TBC1D22A: variants seen among roughly 807,000 people sequenced by gnomAD.
TBC1D22A encodes the protein TBC1 domain family member 22A, also known as putative GTPase activator.
TBC1D22A carries 38 observed loss-of-function variants against 60.2 expected under a neutral mutation model. The ratio of observed to expected loss-of-function variants is 0.63; its 90% CI spans 0.49 to 0.83. The LOEUF (loss-of-function observed/expected upper bound fraction) is 0.83, where lower values mean the gene tolerates loss of function less well. TBC1D22A is among the 40% of genes least tolerant of loss of function. TBC1D22A has a pLI of 0.00. For synonymous variants in TBC1D22A, 302 were observed against 281.7 expected (o/e 1.07, Z -0.72); for missense variants, 628 against 701.0 (o/e 0.90, Z 1.18).
intron 7 of TBC1D22A, among the ~76,000 whole-genome samples, chr22:46,897,652 G>GTTTTTTTTTTTTTTTTTTTTTTTTTT (rs34529641): frequency 1.8e-5 from 2 of 111,512 alleles, no homozygotes; most frequent in African/African-American, 7.9e-5. Context: ...TTTTTTTTGT[G>GTTTTTTTTTTTTTTTTTTTTTTTTTT]TTTTTTTTTT....
chr22:47,087,199 A>C (rs1262066996), intron 11 of TBC1D22A, among the ~76,000 whole-genome samples: 1 of 152,254 alleles, frequency 6.6e-6, no homozygotes, highest in Non-Finnish European at 1.5e-5. Context: ...TTATATTACA[A>C]ACCAAACAAA....
chr22:46,909,956 C>T (rs889829701), intron 7 of TBC1D22A, among the ~76,000 whole-genome samples: 6 of 152,224 alleles, frequency 3.9e-5, no homozygotes, highest in Admixed American at 6.5e-5. Flanking sequence ...TGGCCCCACA[C>T]GGCTCCTCTG....
At chr22:46,783,138 A>T (rs1475598065) in intron 1 of TBC1D22A, among the ~76,000 whole-genome samples, 2 of 152,148 alleles carry the variant, frequency 1.3e-5, no homozygotes, top group African/African-American at 2.4e-5. Context: ...CATTTCTGCC[A>T]TTCTGCTGGG....
chr22:47,120,147 C>T (rs915913072), intron 12 of TBC1D22A, among the ~76,000 whole-genome samples: 1 of 152,208 alleles, frequency 6.6e-6, no homozygotes, highest in Non-Finnish European at 1.5e-5. Context: ...AATATCCTAT[C>T]AATAAACCAG....
At chr22:47,069,325 T>G (rs1206872299) in intron 11 of TBC1D22A, among the ~76,000 whole-genome samples, 4 of 152,196 alleles carry the variant, frequency 2.6e-5, no homozygotes, top group Non-Finnish European at 5.9e-5. Flanking sequence ...CCCAACTTCG[T>G]TTTAGTGTGA....
chr22:46,813,016 C>G (rs917058363), intron 4 of TBC1D22A, among the ~76,000 whole-genome samples: 1 of 152,232 alleles, frequency 6.6e-6, no homozygotes, highest in African/African-American at 2.4e-5. Context: ...GCTGCTGCCC[C>G]TTGGTCCGCT....
intron 11 of TBC1D22A, among the ~76,000 whole-genome samples, chr22:47,096,821 C>CA (rs996063908): frequency 3.1e-4 from 47 of 151,674 alleles, no homozygotes; most frequent in Middle Eastern, 3.4e-3. Flanking sequence ...GACTCTGTCT[C>CA]AAAAAAAATA....
rs569645099 is a variant in TBC1D22A, at chr22:46,992,827, A to G, written c.1126-4807A>G. 6.0e-5 allele frequency among the ~76,000 whole-genome samples: 9 copies of G among 149,938 alleles called. No homozygotes were observed. In the South Asian group the frequency reaches 8.4e-4, roughly 14 times the overall value. The stretch of plus-strand genomic sequence containing the variant: ...GCTTCTGTGTTCAGGGCTGGTGGCC[A>G]GGGGCCCCCGAGAGGATGTGGAAGG... On this transcript the variant is annotated intron_variant, in intron 9 of 12. Transcript: ENST00000337137.
At position 47,144,729 on chromosome 22, in the gene TBC1D22A, G is replaced by A. The variant is rs1239625774; in HGVS notation, c.1426-28769G>A. On this transcript the variant is annotated intron_variant, in intron 12 of 12. Coordinates refer to ENST00000337137, the MANE Select transcript of TBC1D22A (RefSeq NM_014346.5). ...GATCCTGGGACTGGGTGCAGCCCGT[G>A]AAGGTGCCTGCTGGCTGAGATCCTG... 2.1e-5 allele frequency among the ~76,000 whole-genome samples: 3 copies of A among 144,604 alleles called. No homozygotes were observed. In the East Asian group the frequency reaches 6.4e-4, roughly 31 times the overall value. 94.9% of individuals were successfully genotyped at this position (144,604 alleles called of 152,430 possible). A position where few individuals can be genotyped will look rare whatever the true frequency, so the allele number is the denominator to read the frequency against.
chr22:47,129,883 C>G (rs1179168675), intron 12 of TBC1D22A, among the ~76,000 whole-genome samples: 4 of 152,248 alleles, frequency 2.6e-5, no homozygotes, highest in Non-Finnish European at 5.9e-5. Context: ...TTTTTCCTCT[C>G]TCTCTGTCTC....
intron 8 of TBC1D22A, among the ~76,000 whole-genome samples, chr22:46,948,745 T>A (rs556948282): frequency 6.6e-6 from 1 of 152,338 alleles, no homozygotes; most frequent in Admixed American, 6.5e-5. Flanking sequence ...CCTGCTCCTA[T>A]TGTTAAGAGG....
Position 47,039,879 on chromosome 22 carries a change from G to A in TBC1D22A, c.1329+2681G>A, listed in dbSNP as rs192770654. Reference sequence around the variant, plus strand: ...AATCATGGCAGAAGGTGAAGAGGAAGCAGGCGTGTCTTCCATGGCTGGAGC... The same window carrying A: ...AATCATGGCAGAAGGTGAAGAGGAAACAGGCGTGTCTTCCATGGCTGGAGC... On this transcript the variant is annotated intron_variant, in intron 11 of 12. Transcript: ENST00000337137. Among the ~76,000 whole-genome samples the A allele has an allele frequency of 3.4e-5, 5 of 147,460 alleles. No homozygotes were observed. The South Asian group carries it at 1.1e-3, about 33-fold the overall frequency.
At chr22:47,021,207 T>G (rs2062074558) in intron 10 of TBC1D22A, among the ~76,000 whole-genome samples, 1 of 149,158 alleles carries the variant, frequency 6.7e-6, no homozygotes. Flanking sequence ...CCTGGAGCCC[T>G]GAGCAGGGAA....
At chr22:47,127,369 A>C (rs1042020764) in intron 12 of TBC1D22A, among the ~76,000 whole-genome samples, 2 of 148,164 alleles carry the variant, frequency 1.3e-5, no homozygotes, top group African/African-American at 5.0e-5. Context: ...CTGGGATTAC[A>C]GGTGTGTGCT....
At chr22:46,848,962 C>T (rs983154413) in intron 4 of TBC1D22A, among the ~76,000 whole-genome samples, 1 of 151,872 alleles carries the variant, frequency 6.6e-6, no homozygotes, top group Non-Finnish European at 1.5e-5. Context: ...ACCAGTGCAC[C>T]CTCTCCTCCC....
intron 8 of TBC1D22A, among the ~76,000 whole-genome samples, chr22:46,952,001 G>T (rs987927249): frequency 1.3e-5 from 2 of 152,190 alleles, no homozygotes; most frequent in Non-Finnish European, 2.9e-5. Context: ...CAGGCTGTTT[G>T]TTACGAGTTT....
intron 9 of TBC1D22A, among the ~76,000 whole-genome samples, chr22:46,986,750 G>T (rs146298504): frequency 6.6e-6 from 1 of 152,338 alleles, no homozygotes; most frequent in African/African-American, 2.4e-5. Context: ...CAAGCGGACA[G>T]CTTTCCAGGG....
chr22:46,839,530 A>T (rs1356552491), intron 4 of TBC1D22A, among the ~76,000 whole-genome samples: 5 of 152,222 alleles, frequency 3.3e-5, no homozygotes, highest in Admixed American at 2.0e-4. Context: ...ATGTAAAGTG[A>T]TCTACACATA....
intron 10 of TBC1D22A, among the ~76,000 whole-genome samples, chr22:47,036,712 G>T (rs1449008024): frequency 6.6e-6 from 1 of 152,232 alleles, no homozygotes; most frequent in Non-Finnish European, 1.5e-5. Context: ...CACCAGCCTG[G>T]GTCTGTGGAG....
Sources: gnomAD v4.1 joint callset for allele counts (sites outside exome capture counted in the v4.1 genomes callset) on GRCh38, gnomAD v4.1.1 for gene constraint, MANE v1.5 for transcripts, NCBI Gene and HGNC (gene_info 2026-07-23, HGNC 2026-07-21) for gene names.